The following SUMO3 variants were observed in gnomAD, a reference collection of about 807,000 sequenced individuals.
SUMO3 encodes the protein small ubiquitin like modifier 3, also known as small ubiquitin-related modifier 3.
SUMO3 carries 2 observed loss-of-function variants against 11.1 expected under a neutral mutation model. The ratio of observed to expected loss-of-function variants is 0.18; its 90% confidence interval spans 0.07 to 0.57. The LOEUF is 0.57. Ranked by LOEUF, SUMO3 falls within the 20% of genes least tolerant of loss-of-function variation. The pLI, the probability that SUMO3 is intolerant of heterozygous loss-of-function variation, is 0.92. For missense variants in SUMO3, 70 were observed against 132.8 expected (o/e 0.53, Z 2.32); for synonymous variants, 56 against 53.5 (o/e 1.05, Z -0.20).
At chr21:44,816,618 G>A (rs1391663668) in intron 1 of SUMO3, among the ~76,000 whole-genome samples, 4 of 152,188 alleles carry the variant, frequency 2.6e-5, no homozygotes, top group Non-Finnish European at 5.9e-5. Context: ...GGCCGACAGT[G>A]CACACCAAGG....
At chr21:44,814,156 G>A (rs2083230200) in intron 1 of SUMO3, 52 bp from the exon 2 acceptor site, 2 of 1,590,744 alleles carry the variant, frequency 1.3e-6, no homozygotes, top group South Asian at 1.1e-5. Flanking sequence ...AAATAACCGC[G>A]ACTTGAATGG....
At position 44,808,687 on chromosome 21, in the gene SUMO3, T is replaced by A. The variant is rs2083193044; in HGVS notation, c.222+360A>T. 3 of 1,351,740 alleles carry A rather than the reference T, an allele frequency of 2.2e-6. No individual in the cohort carries two copies. The South Asian group carries it at 5.3e-5, about 24-fold the overall frequency. 83.7% of individuals were successfully genotyped at this position (1,351,740 alleles called of 1,614,324 possible). A position where few individuals can be genotyped will look rare whatever the true frequency, so the allele number is the denominator to read the frequency against. On this transcript the variant is annotated intron_variant, in intron 3 of 3. Transcript: ENST00000332859. The stretch of plus-strand genomic sequence containing the variant: ...GCCCACCCACGTCACTTGTGCAAGA[T>A]GCTTAAAGGGCACAAGAATCCAGCT...
chr21:44,814,467 G>A (rs1400156749), intron 1 of SUMO3, among the ~76,000 whole-genome samples: 1 of 152,250 alleles, frequency 6.6e-6, no homozygotes, highest in Non-Finnish European at 1.5e-5. Flanking sequence ...TTTGGGAGTT[G>A]ACGTGGGAGG....
intron 2 of SUMO3, among the ~76,000 whole-genome samples, chr21:44,812,221 T>C (rs2146423579): frequency 6.6e-6 from 1 of 151,972 alleles, no homozygotes; most frequent in Non-Finnish European, 1.5e-5. Flanking sequence ...CACACCTGGC[T>C]AATTTTTTTA....
chr21:44,817,030 T>G (rs1202148026), intron 1 of SUMO3, among the ~76,000 whole-genome samples: 162 of 24,648 alleles, frequency 6.6e-3, no homozygotes, highest in Admixed American at 9.7e-3. Flanking sequence ...CGGGGAGGGG[T>G]GAGCACACAC....
intron 1 of SUMO3, among the ~76,000 whole-genome samples, chr21:44,814,643 G>A (rs1055343009): frequency 2.0e-5 from 3 of 152,224 alleles, no homozygotes; most frequent in African/African-American, 7.2e-5. Context: ...TTGTGACTCA[G>A]AGGAACCCTA....
intron 1 of SUMO3, among the ~76,000 whole-genome samples, 173 bp downstream of exon 1, chr21:44,817,775 G>C (rs948680009): frequency 8.7e-5 from 13 of 149,068 alleles, no homozygotes; most frequent in Non-Finnish European, 1.8e-4. Context: ...GCTTCGCGGG[G>C]GCAGAGGGGG....
chr21:44,813,810 T>C (rs1412260388), intron 2 of SUMO3, 166 bp downstream of exon 2: 4 of 1,518,714 alleles, frequency 2.6e-6, no homozygotes, highest in Non-Finnish European at 3.5e-6. Context: ...AAGCCCAGCC[T>C]GGACTAATTT....
intron 2 of SUMO3, among the ~76,000 whole-genome samples, chr21:44,812,053 CTTTTTTTT>C (rs386394862): frequency 1.2e-5 from 1 of 80,960 alleles, no homozygotes; most frequent in Non-Finnish European, 2.2e-5. Context: ...AACTTCTCAC[CTTTTTTTT>C]TTTTTTTTTT....
intron 3 of SUMO3, chr21:44,808,411 G>A: frequency 9.6e-7 from 1 of 1,038,336 alleles, no homozygotes; most frequent in Non-Finnish European, 1.3e-6. Context: ...TACTTGGGAG[G>A]CTGAGGCAGG....
chr21:44,815,361 G>A (rs2083237305), intron 1 of SUMO3, among the ~76,000 whole-genome samples: 1 of 152,156 alleles, frequency 6.6e-6, no homozygotes, highest in Non-Finnish European at 1.5e-5. Context: ...TTGGCAGTGA[G>A]GGGCTCCAGC....
chr21:44,816,217 CTTCA>C (rs2083243131), intron 1 of SUMO3, among the ~76,000 whole-genome samples: 1 of 152,184 alleles, frequency 6.6e-6, no homozygotes, highest in Non-Finnish European at 1.5e-5. Context: ...TACATTTACT[CTTCA>C]TTAAGAGGAA....
chr21:44,806,745 A>G lies in SUMO3; in HGVS notation c.*206T>C, dbSNP rs1182089934. 11 of 1,303,864 alleles carry G rather than the reference A, an allele frequency of 8.4e-6. No homozygotes were observed. The highest frequency in any genetic ancestry group is 3.2e-5 in the Admixed American group (1 of 31,106). The allele number at this position is 1,303,864 out of a possible 1,614,324, so 80.8% of individuals were successfully genotyped here. Reference sequence around the variant, plus strand: ...TGCAACTCATTTTACCTGAACAAAGATAACAATTCTGATTGGCCCAATTTA... The same window carrying G: ...TGCAACTCATTTTACCTGAACAAAGGTAACAATTCTGATTGGCCCAATTTA... On this transcript the variant is annotated 3_prime_UTR_variant, in exon 4 of 4. Transcript: ENST00000332859.
rs1395545490 is a variant in SUMO3, at chr21:44,806,219, C to T, written c.*732G>A. On this transcript the variant is annotated 3_prime_UTR_variant, in exon 4 of 4. Coordinates refer to ENST00000332859, the MANE Select transcript of SUMO3 (RefSeq NM_006936.3). ...AGAAAAAGGCCAATTTTGGTTGTGCCAATCCTTGCCTGTGTACCAACGCCA... is the reference window on the plus strand; with the variant it reads ...AGAAAAAGGCCAATTTTGGTTGTGCTAATCCTTGCCTGTGTACCAACGCCA... 1 of 131,556 alleles carries T rather than the reference C, an allele frequency of 7.6e-6. No individual in the cohort carries two copies. Among genetic ancestry groups the T allele is most frequent in the Non-Finnish European group, 1.6e-5 (1 of 63,260 alleles). 8.1% of individuals were successfully genotyped at this position (131,556 alleles called of 1,614,324 possible).
At chr21:44,813,359 C>T (rs1030413940) in intron 2 of SUMO3, among the ~76,000 whole-genome samples, 2 of 150,778 alleles carry the variant, frequency 1.3e-5, no homozygotes, top group African/African-American at 2.4e-5. Flanking sequence ...AGGGTGAGTC[C>T]GCCACAGCGT....
intron 2 of SUMO3, among the ~76,000 whole-genome samples, chr21:44,812,926 G>A (rs889928797): frequency 6.6e-6 from 1 of 152,248 alleles, no homozygotes; most frequent in African/African-American, 2.4e-5. Flanking sequence ...GGGCCTACAC[G>A]GCGCCAGGCC....
Position 44,807,187 on chromosome 21 carries a change from C to G in SUMO3, c.223-147G>C, listed in dbSNP as rs2083182739. The G allele has an allele frequency of 1.0e-6, 1 of 960,128 alleles. No homozygotes were observed. The highest frequency in any genetic ancestry group is 1.5e-6 in the Non-Finnish European group (1 of 651,158). 59.5% of individuals were successfully genotyped at this position (960,128 alleles called of 1,614,324 possible). A position where few individuals can be genotyped will look rare whatever the true frequency, so the allele number is the denominator to read the frequency against. On this transcript the variant is annotated intron_variant, in intron 3 of 3. Transcript: ENST00000332859. This position sits in a 1 kb window ranked among gnomAD's most constrained non-coding sequence, Gnocchi z 4.3. The stretch of plus-strand genomic sequence containing the variant: ...ACCTTGGCTCTTGTCCGTCCCCTCA[C>G]TGCAGCTCAGCACGCATGGAAGAGG...
intron 3 of SUMO3, chr21:44,808,266 A>G (rs2083189553): frequency 6.9e-6 from 2 of 290,520 alleles, no homozygotes; most frequent in Admixed American, 5.2e-5. Flanking sequence ...TAATCCCAGC[A>G]CTTTGGGGGG....
rs2083204707 is a variant in SUMO3, at chr21:44,810,707, T to C, written c.151-1589A>G. Among the ~76,000 whole-genome samples the C allele has an allele frequency of 6.6e-6, 1 of 151,982 alleles. No individual in the cohort carries two copies. Among genetic ancestry groups the C allele is most frequent in the Non-Finnish European group, 1.5e-5 (1 of 68,014 alleles). On this transcript the variant is annotated intron_variant, in intron 2 of 3. Transcript: ENST00000332859. The surrounding 1 kb of genome is among the most constrained non-coding windows in gnomAD (Gnocchi z 4.1). ...CCTGCAATCCAGACAGATCACCCCA[T>C]GTGGATGCACAGCCCTGGCAGCACA...
Sources: gnomAD v4.1 joint callset for allele counts (sites outside exome capture counted in the v4.1 genomes callset) on GRCh38, gnomAD v4.1.1 for gene constraint, Gnocchi (gnomAD v3.1) non-coding constraint, MANE v1.5 for transcripts, NCBI Gene and HGNC (gene_info 2026-07-23, HGNC 2026-07-21) for gene names.